NFATC1: variants seen among roughly 807,000 people sequenced by gnomAD.
NFATC1 encodes the protein nuclear factor of activated T cells 1.
NFATC1 carries 22 observed loss-of-function variants against 76.0 expected under a neutral mutation model. The ratio of observed to expected loss-of-function variants is 0.29; its 90% CI spans 0.21 to 0.41. The LOEUF (loss-of-function observed/expected upper bound fraction) is 0.41, where lower values mean the gene tolerates loss of function less well. Ranked by LOEUF, NFATC1 falls within the 10% of genes least tolerant of loss-of-function variation. The pLI is 1.00. For missense variants in NFATC1, 1,357 were observed against 1,337.7 expected (o/e 1.01, Z -0.23); for synonymous variants, 704 against 613.1 (o/e 1.15, Z -2.19).
intron 2 of NFATC1, among the ~76,000 whole-genome samples, chr18:79,425,163 G>A (rs1255587189): frequency 7.8e-6 from 1 of 128,320 alleles, no homozygotes; most frequent in Admixed American, 7.8e-5. Context: ...CTCCGTCTCT[G>A]TCTCTCCATC....
At chr18:79,483,580 C>A (rs2089389144) in intron 8 of NFATC1, among the ~76,000 whole-genome samples, 1 of 130,530 alleles carries the variant, frequency 7.7e-6, no homozygotes, top group Admixed American at 7.8e-5. Context: ...TCCGGCGTGA[C>A]CTGGTTCCTG....
chr18:79,426,620 C>T (rs1445797376), intron 2 of NFATC1, among the ~76,000 whole-genome samples: 1 of 152,248 alleles, frequency 6.6e-6, no homozygotes. Flanking sequence ...CCCAGAGGGG[C>T]GGCAAACACA....
intron 1 of NFATC1, among the ~76,000 whole-genome samples, chr18:79,403,306 T>G (rs1197584479): frequency 1.3e-5 from 2 of 152,260 alleles, no homozygotes; most frequent in Non-Finnish European, 2.9e-5. Context: ...GAATAGATAT[T>G]CAGTAACCAT....
chr18:79,450,909 G>A (rs55928096), intron 4 of NFATC1, 45 bp from the exon 5 acceptor site: 44,514 of 1,589,066 alleles, frequency 0.028, 754 homozygotes, highest in Non-Finnish European at 0.032. Flanking sequence ...TTACGCTCCC[G>A]CGTCAGCCAT....
At chr18:79,433,230 G>C (rs1017578171) in intron 2 of NFATC1, among the ~76,000 whole-genome samples, 1 of 152,184 alleles carries the variant, frequency 6.6e-6, no homozygotes, top group African/African-American at 2.4e-5. Flanking sequence ...GAGCTTCCTG[G>C]TTCTTAGGCC....
intron 9 of NFATC1, among the ~76,000 whole-genome samples, chr18:79,504,000 C>T (rs1210179156): frequency 1.3e-5 from 2 of 152,148 alleles, no homozygotes; most frequent in Non-Finnish European, 1.5e-5. Flanking sequence ...ACAGAGAGAG[C>T]GAGGGTCTTG....
At chr18:79,418,923 T>C (rs1474762958) in intron 2 of NFATC1, among the ~76,000 whole-genome samples, 20 of 152,162 alleles carry the variant, frequency 1.3e-4, no homozygotes, top group Admixed American at 1.3e-3. Context: ...TGGGGCATCT[T>C]CTCCCTGGTC....
At chr18:79,522,092 G>A (rs1185315930) in intron 9 of NFATC1, among the ~76,000 whole-genome samples, 4 of 101,962 alleles carry the variant, frequency 3.9e-5, no homozygotes, top group East Asian at 3.5e-4. Context: ...GGGGGGGGCC[G>A]TCTGCTGATG....
chr18:79,430,113 C>T (rs2086538137), intron 2 of NFATC1, among the ~76,000 whole-genome samples: 1 of 152,198 alleles, frequency 6.6e-6, no homozygotes, highest in African/African-American at 2.4e-5. Context: ...GACAAAATGG[C>T]CTAAGGACGC....
intron 9 of NFATC1, among the ~76,000 whole-genome samples, chr18:79,505,760 T>G (rs1309763259): frequency 4.2e-3 from 162 of 38,836 alleles, no homozygotes; most frequent in African/African-American, 7.0e-3. Context: ...AGGTGGTGGA[T>G]GAGACCCTTG....
chr18:79,473,176 A>C lies in NFATC1; in HGVS notation c.2092+5594A>C, dbSNP rs2088856301. 2.0e-5 allele frequency among the ~76,000 whole-genome samples: 3 copies of C among 152,202 alleles called. No individual in the cohort carries two copies. The South Asian group carries it at 6.2e-4, about 31-fold the overall frequency. ...CGCTCCAGGTCGCCACAGGGGTGAGAATTCTGGGAGCCCAGCTGCCGAGTG... is the reference window on the plus strand; with the variant it reads ...CGCTCCAGGTCGCCACAGGGGTGAGCATTCTGGGAGCCCAGCTGCCGAGTG... On this transcript the variant is annotated intron_variant, in intron 8 of 9. Coordinates refer to ENST00000427363, the MANE Select transcript of NFATC1 (RefSeq NM_001278669.2).
chr18:79,479,559 T>C lies in NFATC1; in HGVS notation c.2093-6689T>C, dbSNP rs538370986. Among the ~76,000 whole-genome samples the C allele has an allele frequency of 5.9e-5, 9 of 152,368 alleles. No individual in the cohort carries two copies. In the East Asian group the frequency reaches 1.7e-3, roughly 29 times the overall value. ...TGTTCGTGTGTTTAAGCTTCTTAGA[T>C]GCTGGGGTGTGGAAGCAGCCGTGTG... is the stretch of plus-strand genomic sequence containing the variant. On this transcript the variant is annotated intron_variant, in intron 8 of 9. Transcript: ENST00000427363.
At chr18:79,451,193 CCG>C in intron 5 of NFATC1, 67 bp downstream of exon 5, 1 of 1,535,218 alleles carries the variant, frequency 6.5e-7, no homozygotes, top group South Asian at 1.2e-5. Flanking sequence ...ACTGTCTCAC[CCG>C]CTCTCAGCTT....
rs756485155 is a variant in NFATC1 at position 79,495,175 on chromosome 18, C to T, written c.2782+8238C>T. On this transcript the variant is annotated intron_variant, in intron 9 of 9. Transcript: ENST00000427363. ...CGTGTGGGTGCTGTTGCAGGTCTCC[C>T]GCCGTGGCGTGCAGGCTGTGAGGCC... Among the ~76,000 whole-genome samples, 57 of 152,234 alleles carry T rather than the reference C, an allele frequency of 3.7e-4. 1 individual carries two copies. The highest frequency in any genetic ancestry group is 4.1e-4 in the South Asian group (2 of 4,834).
chr18:79,472,286 T>G (rs2088818687), intron 8 of NFATC1, among the ~76,000 whole-genome samples: 1 of 152,092 alleles, frequency 6.6e-6, no homozygotes. Context: ...CCCCTCCAGG[T>G]GGCGTGGCCC....
chr18:79,458,865 C>T (rs978446231), intron 6 of NFATC1, among the ~76,000 whole-genome samples: 2 of 152,280 alleles, frequency 1.3e-5, no homozygotes, highest in African/African-American at 2.4e-5. Context: ...GCAGTCTCGG[C>T]GCTTTGTCTT....
intron 6 of NFATC1, among the ~76,000 whole-genome samples, chr18:79,459,301 C>A (rs1210085519): frequency 6.6e-6 from 1 of 152,242 alleles, no homozygotes; most frequent in Non-Finnish European, 1.5e-5. Flanking sequence ...GCCCACGAGG[C>A]ACGGGTGGGA....
rs116604789 is a variant in NFATC1 at position 79,485,348 on chromosome 18, T to G, written c.2093-900T>G. ...AGAGCTTTAGAGCCACTGAGCCGTC[T>G]GATGTCTCCTCTAAGTAGCACGAGA... On this transcript the variant is annotated intron_variant, in intron 8 of 9. Coordinates refer to ENST00000427363, the MANE Select transcript of NFATC1 (RefSeq NM_001278669.2). Among the ~76,000 whole-genome samples the G allele has an allele frequency of 3.6e-3, 550 of 152,388 alleles. 4 individuals carry two copies. The highest frequency in any genetic ancestry group is 0.012 in the African/African-American group (502 of 41,600).
rs1013516921 is a variant in NFATC1 at position 79,461,366 on chromosome 18, G to T, written c.1959G>T (p.Pro653=). ...AAACTGACCGGGACCTGTGCAAGCC[G>T]GTGAGTGCCTTTGGCGCAGCTGGAG... ...EAKTDRDLCK[P]NSLVVEIPPF... The change falls in exon 7 of 10, where the codon CCG becomes CCT. Residue 653 remains proline (P), a splice_region_variant and synonymous_variant. Transcript: ENST00000427363. 1 of 1,614,130 alleles carries T rather than the reference G, an allele frequency of 6.2e-7. No individual in the cohort carries two copies. The highest frequency in any genetic ancestry group is 8.5e-7 in the Non-Finnish European group (1 of 1,179,996).
Sources: allele counts gnomAD v4.1 joint callset (sites outside exome capture counted in the v4.1 genomes callset), GRCh38; gene constraint gnomAD v4.1.1; transcripts MANE v1.5; gene names NCBI Gene and HGNC (gene_info 2026-07-23, HGNC 2026-07-21).